Variants in ANKFN1 observed in about 807,000 individuals in gnomAD.
ANKFN1 encodes ankyrin repeat and fibronectin type-III domain-containing protein 1.
ANKFN1 carries 74 observed loss-of-function variants against 108.7 expected under a neutral mutation model. The observed-to-expected ratio is 0.68, with a 90% CI of 0.56 to 0.83. The LOEUF (loss-of-function observed/expected upper bound fraction) is 0.83. Among genes scored for constraint, ANKFN1 ranks in the 40% least tolerant of loss-of-function variants. The pLI is 0.00. For missense variants in ANKFN1, 1,505 were observed against 1,382.3 expected (o/e 1.09, Z -1.41); for synonymous variants, 547 against 516.2 (o/e 1.06, Z -0.81).
At chr17:56,238,489 G>T (rs956814374) in intron 3 of ANKFN1, among the ~76,000 whole-genome samples, 4 of 152,102 alleles carry the variant, frequency 2.6e-5, no homozygotes, top group African/African-American at 9.7e-5. Flanking sequence ...ATATATTTAG[G>T]ATAGTTAGAC....
intron 4 of ANKFN1, among the ~76,000 whole-genome samples, chr17:56,336,512 G>A (rs960213183): frequency 5.9e-5 from 9 of 152,256 alleles, no homozygotes; most frequent in South Asian, 2.1e-4. Context: ...GTGTAGAAGC[G>A]TTTATAGTAT....
At chr17:56,279,581 A>G (rs753150411) in intron 3 of ANKFN1, among the ~76,000 whole-genome samples, 26 of 150,982 alleles carry the variant, frequency 1.7e-4, no homozygotes, top group Non-Finnish European at 2.6e-4. Flanking sequence ...TTTTCTTCCA[A>G]TCTTCCCCCT....
In ANKFN1 at chr17:56,391,368, A is replaced by G. The variant is rs530431866; in HGVS notation, c.910+16654A>G. The stretch of plus-strand genomic sequence containing the variant: ...TGAAGGCCCAAGAATACATATATAT[A>G]TGTGTGTGTGTGTGTGTGTGTGTGT... On this transcript the variant is annotated intron_variant, in intron 8 of 20. Coordinates refer to ENST00000682825, the MANE Select transcript of ANKFN1 (RefSeq NM_001370326.1). Among the ~76,000 whole-genome samples the G allele has an allele frequency of 2.7e-3, 343 of 128,720 alleles. 1 individual carries two copies. The highest frequency in any genetic ancestry group is 9.5e-3 in the African/African-American group (298 of 31,316). The allele number at this position is 128,720 out of a possible 152,430, so 84.4% of individuals were successfully genotyped here. A position where few individuals can be genotyped will look rare whatever the true frequency, so the allele number is the denominator to read the frequency against.
chr17:56,130,659 G>C (rs934792655), intron 4 of ANKFN1, among the ~76,000 whole-genome samples: 1 of 152,104 alleles, frequency 6.6e-6, no homozygotes, highest in Non-Finnish European at 1.5e-5. Context: ...CTGGATTGAA[G>C]GATATTTCGA....
intron 3 of ANKFN1, among the ~76,000 whole-genome samples, chr17:56,274,459 C>T (rs1242944603): frequency 1.3e-5 from 2 of 152,042 alleles, no homozygotes; most frequent in African/African-American, 2.4e-5. Flanking sequence ...GGCGACAGCG[C>T]GAGACTCCGC....
chr17:56,497,995 A>G (rs1251859235), intron 19 of ANKFN1, among the ~76,000 whole-genome samples: 3 of 152,164 alleles, frequency 2.0e-5, no homozygotes, highest in Non-Finnish European at 4.4e-5. Context: ...ATCTATATAT[A>G]CAGAGAGACA....
chr17:56,405,655 T>A lies in ANKFN1; in HGVS notation c.910+30941T>A, dbSNP rs183504833. On this transcript the variant is annotated intron_variant, in intron 8 of 20. Transcript: ENST00000682825. The stretch of plus-strand genomic sequence containing the variant: ...TTAAAGGAGTAAAATATAGAGTATC[T>A]TTCAATTAGGAACTAATTAAATAAA... Among the ~76,000 whole-genome samples, 7 of 152,316 alleles carry A rather than the reference T, an allele frequency of 4.6e-5. No individual in the cohort carries two copies. The East Asian group carries it at 1.2e-3, about 25-fold the overall frequency.
At chr17:56,114,822 C>A (rs1244766592) in intron 4 of ANKFN1, among the ~76,000 whole-genome samples, 1 of 152,296 alleles carries the variant, frequency 6.6e-6, no homozygotes, top group Non-Finnish European at 1.5e-5. Flanking sequence ...AAGAGGGAGG[C>A]AGATGAATCA....
intron 8 of ANKFN1, among the ~76,000 whole-genome samples, chr17:56,431,009 A>G (rs141019284): frequency 6.6e-6 from 1 of 152,330 alleles, no homozygotes; most frequent in Non-Finnish European, 1.5e-5. Context: ...TTTGCAGCAA[A>G]ATGAACAGTA....
intron 4 of ANKFN1, among the ~76,000 whole-genome samples, chr17:56,340,071 T>C (rs928318763): frequency 3.3e-5 from 5 of 152,216 alleles, no homozygotes; most frequent in African/African-American, 1.2e-4. Context: ...ATGAGCTTTT[T>C]TCATATGATT....
In ANKFN1 at chr17:56,081,340, T is replaced by TTATGTATGTATG. The variant is rs570296159; in HGVS notation, c.288+35018_288+35019insGTATGTATGTAT. Among the ~76,000 whole-genome samples the TTATGTATGTATG allele has an allele frequency of 5.2e-3, 796 of 151,714 alleles. 6 individuals are homozygous for TTATGTATGTATG. The highest frequency in any genetic ancestry group is 0.018 in the African/African-American group (728 of 41,412). On this transcript the variant is annotated intron_variant, in intron 4 of 12. Coordinates refer to the ANKFN1 transcript ENST00000635860. ...TTGTCTTAAGGTTTTATTTGTTTATTTATTTATTTATTTATTATTTTTATT... is the reference window on the plus strand; with the variant it reads ...TTGTCTTAAGGTTTTATTTGTTTATTTATGTATGTATGTATTTATTTATTTATTATTTTTATT...
At chr17:56,388,212 C>G (rs545598024) in intron 8 of ANKFN1, among the ~76,000 whole-genome samples, 1 of 151,660 alleles carries the variant, frequency 6.6e-6, no homozygotes, top group African/African-American at 2.4e-5. Flanking sequence ...GATCTTGGCT[C>G]ACTGCATCAC....
chr17:56,275,710 G>A (rs998452536), intron 3 of ANKFN1, among the ~76,000 whole-genome samples: 11 of 152,102 alleles, frequency 7.2e-5, no homozygotes, highest in Non-Finnish European at 7.3e-5. Flanking sequence ...TGAAAACATT[G>A]GGGAGCACAG....
At position 56,310,919 on chromosome 17, in the gene ANKFN1, A is replaced by T. The variant is rs145250134; in HGVS notation, c.54-15302A>T. On this transcript the variant is annotated intron_variant, in intron 3 of 20. Coordinates refer to ENST00000682825, the MANE Select transcript of ANKFN1 (RefSeq NM_001370326.1). ...TGTAACCATTGACCAACGTCTCCCC[A>T]TTTCCTCCCCCTGCCCCCAGATCCT... is the stretch of plus-strand genomic sequence containing the variant. Among the ~76,000 whole-genome samples the T allele has an allele frequency of 1.4e-4, 21 of 151,882 alleles. No homozygotes were observed. In the East Asian group the frequency reaches 3.7e-3, roughly 27 times the overall value.
intron 4 of ANKFN1, among the ~76,000 whole-genome samples, chr17:56,110,587 ATTG>A: frequency 6.6e-6 from 1 of 152,058 alleles, no homozygotes; most frequent in African/African-American, 2.4e-5. Context: ...ATATAGATTG[ATTG>A]AATGAATGAA....
At chr17:56,482,335 T>A in intron 17 of ANKFN1, 21 bp from the exon 18 acceptor site, 1 of 1,556,908 alleles carries the variant, frequency 6.4e-7, no homozygotes, top group Non-Finnish European at 8.7e-7. Flanking sequence ...CTATTTTTCC[T>A]CCGCGCGTGT....
chr17:56,421,295 A>G (rs1183151579), intron 8 of ANKFN1, among the ~76,000 whole-genome samples: 3 of 152,212 alleles, frequency 2.0e-5, no homozygotes, highest in Non-Finnish European at 4.4e-5. Context: ...GAGATGCCTC[A>G]ATGAGGAACA....
chr17:56,433,605 C>A (rs114934362), intron 8 of ANKFN1, among the ~76,000 whole-genome samples: 1 of 152,170 alleles, frequency 6.6e-6, no homozygotes, highest in African/African-American at 2.4e-5. Context: ...TTTGTTCTCA[C>A]TCATAAGTGG....
intron 3 of ANKFN1, among the ~76,000 whole-genome samples, chr17:56,299,594 A>G (rs536675797): frequency 3.3e-5 from 5 of 152,300 alleles, no homozygotes; most frequent in African/African-American, 7.2e-5. Context: ...TCTAACATCA[A>G]TCTGGGCTTT....
Sources: allele counts gnomAD v4.1 joint callset (sites outside exome capture counted in the v4.1 genomes callset), GRCh38; gene constraint gnomAD v4.1.1; transcripts MANE v1.5; gene names NCBI Gene and HGNC (gene_info 2026-07-23, HGNC 2026-07-21).